Variants in ERBB4 observed in about 807,000 individuals in gnomAD.
ERBB4 encodes the protein receptor tyrosine-protein kinase erbB-4.
A neutral mutation model predicts 158.0 loss-of-function variants in ERBB4; 42 were observed. That is an observed-to-expected ratio of 0.27 (90% CI 0.21 to 0.34). The LOEUF (loss-of-function observed/expected upper bound fraction) is 0.34, where lower values mean the gene tolerates loss of function less well. Ranked by LOEUF, ERBB4 falls within the 10% of genes least tolerant of loss-of-function variation. The probability of loss-of-function intolerance (pLI) is 1.00; values close to 1 mark genes in which losing one functional copy is unlikely to be tolerated. For synonymous variants in ERBB4, 583 were observed against 558.7 expected, an observed-to-expected ratio of 1.04 and a Z score of -0.61; for missense variants, 1,333 against 1,624.1, an observed-to-expected ratio of 0.82 and a Z score of 3.08.
chr2:212,503,299 A>C (rs1691001541), intron 1 of ERBB4, among the ~76,000 whole-genome samples: 1 of 152,226 alleles, frequency 6.6e-6, no homozygotes, highest in Non-Finnish European at 1.5e-5. Flanking sequence ...ATATGATGTT[A>C]AGGTTTTTAA....
At chr2:212,524,299 C>G (rs1692329492) in intron 1 of ERBB4, among the ~76,000 whole-genome samples, 1 of 151,672 alleles carries the variant, frequency 6.6e-6, no homozygotes, top group African/African-American at 2.4e-5. Context: ...CCTTATCTAC[C>G]ACAAATGAAA....
intron 1 of ERBB4, among the ~76,000 whole-genome samples, chr2:212,492,682 A>G (rs974029766): frequency 1.7e-4 from 26 of 151,482 alleles, no homozygotes; most frequent in Admixed American, 4.6e-4. Flanking sequence ...TAAAGGTGTC[A>G]GGTATGGAGA....
chr2:211,892,205 C>T (rs1575329322), intron 3 of ERBB4, among the ~76,000 whole-genome samples: 2 of 107,140 alleles, frequency 1.9e-5, no homozygotes, highest in Non-Finnish European at 3.7e-5. Context: ...AAAGCTTATC[C>T]ACCATGATCA....
intron 20 of ERBB4, among the ~76,000 whole-genome samples, chr2:211,493,436 G>A (rs2065394517): frequency 6.6e-6 from 1 of 151,802 alleles, no homozygotes; most frequent in South Asian, 2.1e-4. Context: ...ACTACTCACA[G>A]GTTGGGGAAA....
In ERBB4 at chr2:212,019,594, C is replaced by T. The variant is rs559071908; in HGVS notation, c.235-71978G>A. ...CCTGGGCAACATGGTGAAACCCCAT[C>T]TCTACTAAAATACAAAAATTCAGCC... On this transcript the variant is annotated intron_variant, in intron 2 of 27. Transcript: ENST00000342788. Among the ~76,000 whole-genome samples the T allele has an allele frequency of 1.4e-4, 21 of 151,924 alleles. No homozygotes were observed. In the South Asian group the frequency reaches 2.9e-3, roughly 21 times the overall value.
At chr2:212,420,300 T>C (rs150741011) in intron 1 of ERBB4, among the ~76,000 whole-genome samples, 129 of 152,178 alleles carry the variant, frequency 8.5e-4, no homozygotes, top group Non-Finnish European at 1.5e-3. Flanking sequence ...ATGTTAGGCA[T>C]ATAAGAAATG....
At chr2:212,471,232 G>T (rs1188200363) in intron 1 of ERBB4, among the ~76,000 whole-genome samples, 1 of 151,936 alleles carries the variant, frequency 6.6e-6, no homozygotes, top group Non-Finnish European at 1.5e-5. Flanking sequence ...TCATATTGGA[G>T]AAATGTTCTA....
chr2:211,772,820 T>C lies in ERBB4; in HGVS notation c.556+15205A>G, dbSNP rs1377971769. ...TTCACCATACTGGGATATATATATA[T>C]ATATATATATATATACACATATATA... On this transcript the variant is annotated intron_variant, in intron 4 of 27. Transcript: ENST00000342788. Among the ~76,000 whole-genome samples the C allele has an allele frequency of 2.1e-4, 4 of 19,026 alleles. No homozygotes were observed. The Admixed American group carries it at 2.5e-3, about 12-fold the overall frequency. 12.5% of individuals were successfully genotyped at this position (19,026 alleles called of 152,430 possible).
At chr2:211,684,114 A>C (rs912939811) in intron 12 of ERBB4, among the ~76,000 whole-genome samples, 1 of 152,086 alleles carries the variant, frequency 6.6e-6, no homozygotes. Context: ...ATTCCTATAA[A>C]CTTTATAATA....
At chr2:211,997,478 C>T (rs1378741420) in intron 2 of ERBB4, among the ~76,000 whole-genome samples, 2 of 151,982 alleles carry the variant, frequency 1.3e-5, no homozygotes, top group African/African-American at 4.8e-5. Context: ...ATGATAAATT[C>T]AACACCTTAA....
chr2:212,422,573 A>G (rs1390129211), intron 1 of ERBB4, among the ~76,000 whole-genome samples: 1 of 152,120 alleles, frequency 6.6e-6, no homozygotes, highest in African/African-American at 2.4e-5. Context: ...TCACAATACA[A>G]ATCAAAATAA....
At chr2:212,334,971 T>C (rs2088357701) in intron 1 of ERBB4, among the ~76,000 whole-genome samples, 1 of 151,992 alleles carries the variant, frequency 6.6e-6, no homozygotes, top group South Asian at 2.1e-4. Flanking sequence ...AGGGTTTATA[T>C]TTGGATAAAT....
Position 212,510,049 on chromosome 2 carries a change from G to T in ERBB4, c.82+28400C>A, listed in dbSNP as rs188652252. ...AGATATACCACAGCTATTTCAGTTC[G>T]CCTTGCAGTCAAATGTATACACTAA... On this transcript the variant is annotated intron_variant, in intron 1 of 27. Transcript: ENST00000342788. Among the ~76,000 whole-genome samples the T allele has an allele frequency of 6.6e-4, 99 of 150,980 alleles. 1 individual carries two copies. The highest frequency in any genetic ancestry group is 1.3e-3 in the Non-Finnish European group (87 of 67,592).
At chr2:211,486,207 G>C (rs188472095) in intron 20 of ERBB4, among the ~76,000 whole-genome samples, 19 of 152,152 alleles carry the variant, frequency 1.2e-4, no homozygotes, top group African/African-American at 4.6e-4. Flanking sequence ...AGAGTACCTT[G>C]CTTTCCTTTT....
At chr2:212,474,952 G>A (rs56102637) in intron 1 of ERBB4, among the ~76,000 whole-genome samples, 23,753 of 149,870 alleles carry the variant, frequency 0.16, 2,362 homozygotes, top group Non-Finnish European at 0.22. Context: ...TCCATGCCCA[G>A]CTATTGGTCT....
chr2:211,751,812 C>G (rs527711094), intron 4 of ERBB4, among the ~76,000 whole-genome samples: 2 of 152,126 alleles, frequency 1.3e-5, no homozygotes, highest in African/African-American at 4.8e-5. Flanking sequence ...AATGAGTACA[C>G]GGTTAAGATG....
At chr2:212,134,896 T>C (rs58639003) in intron 1 of ERBB4, among the ~76,000 whole-genome samples, 11,514 of 151,834 alleles carry the variant, frequency 0.076, 861 homozygotes, top group African/African-American at 0.19. Flanking sequence ...CCGTGTCAGC[T>C]AGGATGGTCT....
At chr2:211,929,892 T>C (rs2125096371) in intron 3 of ERBB4, among the ~76,000 whole-genome samples, 1 of 152,290 alleles carries the variant, frequency 6.6e-6, no homozygotes, top group South Asian at 2.1e-4. Context: ...AACATGTGTA[T>C]ACACACATCC....
intron 3 of ERBB4, among the ~76,000 whole-genome samples, chr2:211,848,670 C>G (rs1224017549): frequency 6.6e-6 from 1 of 151,994 alleles, no homozygotes; most frequent in African/African-American, 2.4e-5. Context: ...TGTGGCCAAT[C>G]CTGCCACAAA....
Sources: gnomAD v4.1 joint callset for allele counts (sites outside exome capture counted in the v4.1 genomes callset) on GRCh38, gnomAD v4.1.1 for gene constraint, MANE v1.5 for transcripts, NCBI Gene and HGNC (gene_info 2026-07-23, HGNC 2026-07-21) for gene names.